Variants in CCDC102B observed in about 807,000 individuals in gnomAD.
CCDC102B encodes the protein coiled-coil domain-containing protein 102B.
CCDC102B carries 75 observed loss-of-function variants against 57.4 expected under a neutral mutation model. The ratio of observed to expected loss-of-function variants is 1.31; its 90% confidence interval spans 1.08 to 1.58. The LOEUF (loss-of-function observed/expected upper bound fraction) is 1.58, where lower values mean the gene tolerates loss of function less well. Among genes scored for constraint, CCDC102B ranks in the 40% most tolerant of loss-of-function variants. The pLI is 0.00. For missense variants in CCDC102B, 636 were observed against 582.6 expected (o/e 1.09, Z -0.94); for synonymous variants, 206 against 201.9 (o/e 1.02, Z -0.17).
chr18:69,007,840 G>A (rs966534813), intron 6 of CCDC102B, among the ~76,000 whole-genome samples: 5 of 152,202 alleles, frequency 3.3e-5, no homozygotes, highest in African/African-American at 4.8e-5. Context: ...TGGAATTTGC[G>A]TTGACAAACA....
intron 7 of CCDC102B, among the ~76,000 whole-genome samples, chr18:69,038,516 G>A (rs1296734882): frequency 6.6e-6 from 1 of 151,510 alleles, no homozygotes; most frequent in Admixed American, 6.6e-5. Context: ...CATTTTTCTT[G>A]ACCAAAAATA....
At chr18:68,719,047 T>C (rs1271398349) in intron 2 of CCDC102B, among the ~76,000 whole-genome samples, 3 of 152,196 alleles carry the variant, frequency 2.0e-5, no homozygotes, top group African/African-American at 7.2e-5. Flanking sequence ...AGAACAACTT[T>C]ATGAAAATAC....
chr18:68,949,588 G>T (rs190643142), intron 6 of CCDC102B, among the ~76,000 whole-genome samples: 2 of 152,028 alleles, frequency 1.3e-5, no homozygotes, highest in South Asian at 4.1e-4. Context: ...TTATAATGTG[G>T]TTGCATCGTT....
chr18:69,013,489 G>A (rs1429036636), intron 7 of CCDC102B, among the ~76,000 whole-genome samples: 3 of 152,082 alleles, frequency 2.0e-5, no homozygotes, highest in Non-Finnish European at 2.9e-5. Context: ...ATATATCCAT[G>A]TAACAAAATT....
intron 6 of CCDC102B, among the ~76,000 whole-genome samples, chr18:69,001,801 A>C (rs1164882010): frequency 6.6e-6 from 1 of 152,210 alleles, no homozygotes; most frequent in South Asian, 2.1e-4. Context: ...AGGTGTAAGG[A>C]AGGAAAGAAG....
intron 2 of CCDC102B, among the ~76,000 whole-genome samples, chr18:68,779,462 T>C (rs774452382): frequency 3.3e-5 from 5 of 152,132 alleles, no homozygotes; most frequent in African/African-American, 4.8e-5. Context: ...ATGAAGAAAA[T>C]AATAAAGATT....
intron 1 of CCDC102B, among the ~76,000 whole-genome samples, chr18:68,809,021 T>C (rs993825696): frequency 4.6e-5 from 7 of 152,196 alleles, no homozygotes; most frequent in African/African-American, 1.7e-4. Flanking sequence ...AATCATGTGT[T>C]TTAAGAAAAA....
intron 2 of CCDC102B, among the ~76,000 whole-genome samples, chr18:68,757,008 A>G (rs1056533463): frequency 4.6e-5 from 7 of 152,056 alleles, no homozygotes; most frequent in Non-Finnish European, 1.0e-4. Context: ...CCTCTGCTAC[A>G]GTGTTACCTC....
At chr18:69,007,777 C>A (rs2051391612) in intron 6 of CCDC102B, among the ~76,000 whole-genome samples, 1 of 152,224 alleles carries the variant, frequency 6.6e-6, no homozygotes. Context: ...AATGGCCAAG[C>A]TGTAGAACAT....
chr18:68,837,749 C>T (rs1020395197), intron 2 of CCDC102B, among the ~76,000 whole-genome samples: 4 of 152,154 alleles, frequency 2.6e-5, no homozygotes, highest in African/African-American at 9.7e-5. Flanking sequence ...TCCCTAAAGG[C>T]CCTGTCTCCA....
In CCDC102B at chr18:68,872,175, C is replaced by T. The variant is rs115402591; in HGVS notation, c.937-2494C>T. 1.6e-3 allele frequency among the ~76,000 whole-genome samples: 236 copies of T among 152,256 alleles called. 1 individual carries two copies. Among genetic ancestry groups the T allele is most frequent in the African/African-American group, 5.4e-3 (226 of 41,542 alleles). ...GGGAGAAGTTCTGAATTTGGCTTTC[C>T]AGTGTGTCAAGTCTGGGATACCCTT... On this transcript the variant is annotated intron_variant, in intron 4 of 7. Transcript: ENST00000360242.
chr18:68,983,070 ATTCAAT>A (rs2050634576), intron 6 of CCDC102B, among the ~76,000 whole-genome samples: 1 of 151,838 alleles, frequency 6.6e-6, no homozygotes, highest in African/African-American at 2.4e-5. Context: ...TGTTCATACT[ATTCAAT>A]TTCCATTTTC....
intron 1 of CCDC102B, among the ~76,000 whole-genome samples, chr18:68,835,019 A>C (rs1243995191): frequency 6.6e-6 from 1 of 152,162 alleles, no homozygotes; most frequent in African/African-American, 2.4e-5. Context: ...TGAGAATAAA[A>C]ATGGGTAATT....
intron 2 of CCDC102B, among the ~76,000 whole-genome samples, chr18:68,790,216 A>C (rs952379664): frequency 1.1e-4 from 16 of 151,612 alleles, no homozygotes; most frequent in Admixed American, 8.5e-4. Flanking sequence ...TGCTGGGAGA[A>C]CCACTGCTGT....
intron 2 of CCDC102B, among the ~76,000 whole-genome samples, chr18:68,730,060 T>G (rs540020752): frequency 1.3e-5 from 2 of 152,288 alleles, no homozygotes; most frequent in South Asian, 4.1e-4. Context: ...TCATTTTGTG[T>G]GTGGTTGTAG....
intron 1 of CCDC102B, among the ~76,000 whole-genome samples, chr18:68,834,432 C>CATATATATATATATATATATATAT (rs67872866): frequency 1.0e-3 from 142 of 137,632 alleles, no homozygotes; most frequent in Middle Eastern, 4.2e-3. Flanking sequence ...TATGTAAATA[C>CATATATATATATATATATATATAT]ATATATATAT....
intron 1 of CCDC102B, among the ~76,000 whole-genome samples, chr18:68,715,914 T>TA (rs1339498556): frequency 6.6e-6 from 1 of 152,124 alleles, no homozygotes; most frequent in African/African-American, 2.4e-5. Context: ...AGAAGGGGGA[T>TA]ATGATGTCAG....
At chr18:69,001,968 C>A (rs944820252) in intron 6 of CCDC102B, among the ~76,000 whole-genome samples, 1 of 152,126 alleles carries the variant, frequency 6.6e-6, no homozygotes, top group Non-Finnish European at 1.5e-5. Context: ...CATTCTCAGG[C>A]CCAAGACCTA....
At chr18:68,953,019 A>C (rs1322478800) in intron 6 of CCDC102B, among the ~76,000 whole-genome samples, 1 of 152,136 alleles carries the variant, frequency 6.6e-6, no homozygotes, top group African/African-American at 2.4e-5. Context: ...TGATATAGAC[A>C]CACAGTGGGA....
Sources: gnomAD v4.1 joint callset for allele counts (sites outside exome capture counted in the v4.1 genomes callset) on GRCh38, gnomAD v4.1.1 for gene constraint, MANE v1.5 for transcripts, NCBI Gene and HGNC (gene_info 2026-07-23, HGNC 2026-07-21) for gene names.